Variants in BTBD9 observed in about 807,000 individuals in gnomAD.
BTBD9 encodes BTB/POZ domain-containing protein 9.
BTBD9 carries 49 observed loss-of-function variants against 64.3 expected under a neutral mutation model. The observed-to-expected ratio is 0.76, with a 90% confidence interval of 0.61 to 0.97. The LOEUF (loss-of-function observed/expected upper bound fraction) is 0.97, where lower values mean the gene tolerates loss of function less well. BTBD9 is among the 50% of genes least tolerant of loss of function. The probability of loss-of-function intolerance (pLI) is 0.00; values close to 1 mark genes in which losing one functional copy is unlikely to be tolerated. For missense variants in BTBD9, 598 were observed against 762.1 expected (o/e 0.78, Z 2.53); for synonymous variants, 260 against 274.7 (o/e 0.95, Z 0.53).
chr6:38,465,741 A>ATG (rs1407116658), intron 6 of BTBD9, among the ~76,000 whole-genome samples: 5 of 48,074 alleles, frequency 1.0e-4, no homozygotes, highest in Admixed American at 6.8e-4. Context: ...ATATATATAT[A>ATG]TATATATATA....
intron 7 of BTBD9, among the ~76,000 whole-genome samples, chr6:38,331,179 T>C (rs1290653469): frequency 6.6e-6 from 1 of 152,186 alleles, no homozygotes; most frequent in African/African-American, 2.4e-5. Flanking sequence ...CACAAATTAA[T>C]AATAAGAAAG....
At chr6:38,273,465 GA>G in intron 8 of BTBD9, among the ~76,000 whole-genome samples, 1 of 152,276 alleles carries the variant, frequency 6.6e-6, no homozygotes, top group East Asian at 1.9e-4. Flanking sequence ...AGGCCAGTGT[GA>G]AATCTCATTA....
chr6:38,575,614 C>T (rs764945938), intron 6 of BTBD9, among the ~76,000 whole-genome samples: 7 of 152,088 alleles, frequency 4.6e-5, no homozygotes, highest in Non-Finnish European at 1.0e-4. Flanking sequence ...GAGACATATT[C>T]TTAGGTTCAT....
intron 6 of BTBD9, among the ~76,000 whole-genome samples, chr6:38,563,653 C>T (rs796176899): frequency 5.6e-4 from 85 of 152,232 alleles, no homozygotes; most frequent in African/African-American, 1.9e-3. Context: ...TCCTCTACCT[C>T]GCTGCCACTC....
intron 9 of BTBD9, among the ~76,000 whole-genome samples, chr6:38,223,247 G>C (rs912243360): frequency 6.6e-6 from 1 of 152,146 alleles, no homozygotes; most frequent in African/African-American, 2.4e-5. Flanking sequence ...CAAGTGAACA[G>C]CATCTTAATA....
intron 6 of BTBD9, among the ~76,000 whole-genome samples, chr6:38,496,655 TAAAAAAA>T (rs951014301): frequency 8.0e-6 from 1 of 125,164 alleles, no homozygotes; most frequent in Non-Finnish European, 1.7e-5. Context: ...CCCTGTCTCT[TAAAAAAA>T]AAAAAAAAAA....
intron 6 of BTBD9, among the ~76,000 whole-genome samples, chr6:38,362,053 A>T (rs6940319): frequency 0.66 from 100,180 of 152,004 alleles, 33,961 homozygotes; most frequent in East Asian, 0.96. Flanking sequence ...TATGTTTGAA[A>T]CATGGGTAAT....
At chr6:38,342,826 A>G in intron 7 of BTBD9, among the ~76,000 whole-genome samples, 1 of 152,238 alleles carries the variant, frequency 6.6e-6, no homozygotes, top group Non-Finnish European at 1.5e-5. Flanking sequence ...GAGATTATCA[A>G]CATGGAAAGC....
chr6:38,204,613 C>A (rs1762573355), intron 9 of BTBD9, among the ~76,000 whole-genome samples: 1 of 151,990 alleles, frequency 6.6e-6, no homozygotes, highest in Admixed American at 6.6e-5. Flanking sequence ...TGAAAATGTT[C>A]AAAAATTGAT....
chr6:38,604,451 T>G (rs576070135), intron 1 of BTBD9, among the ~76,000 whole-genome samples: 1 of 152,236 alleles, frequency 6.6e-6, no homozygotes, highest in Admixed American at 6.5e-5. Flanking sequence ...ATGTATATGA[T>G]TCATTCAATT....
intron 6 of BTBD9, among the ~76,000 whole-genome samples, chr6:38,548,948 T>C (rs1259462759): frequency 6.6e-6 from 1 of 152,118 alleles, no homozygotes; most frequent in African/African-American, 2.4e-5. Flanking sequence ...AGAGAACCCA[T>C]GGGTAAAGGT....
At chr6:38,367,961 T>C (rs567641513) in intron 6 of BTBD9, among the ~76,000 whole-genome samples, 7 of 152,124 alleles carry the variant, frequency 4.6e-5, no homozygotes, top group Non-Finnish European at 1.0e-4. Context: ...GATGCGATAA[T>C]AGAAAGGAGG....
chr6:38,512,855 T>A (rs1262475558), intron 6 of BTBD9, among the ~76,000 whole-genome samples: 3 of 152,238 alleles, frequency 2.0e-5, no homozygotes, highest in Non-Finnish European at 4.4e-5. Context: ...TCCATATAGC[T>A]TAATGCTAAA....
chr6:38,376,842 G>C (rs567342151), intron 6 of BTBD9, among the ~76,000 whole-genome samples: 4 of 152,212 alleles, frequency 2.6e-5, no homozygotes, highest in African/African-American at 9.6e-5. Context: ...AAGCTATCCA[G>C]TACCTTCAAC....
At chr6:38,593,078 T>G (rs965177563) in intron 3 of BTBD9, among the ~76,000 whole-genome samples, 4 of 152,212 alleles carry the variant, frequency 2.6e-5, no homozygotes, top group African/African-American at 9.6e-5. Context: ...CATTTAATCT[T>G]TCCAAACACA....
rs114961914 is a variant in BTBD9, at chr6:38,486,287, G to A, written c.1154+91313C>T. On this transcript the variant is annotated intron_variant, in intron 6 of 10. Transcript: ENST00000481247. ...GCTGCTTTGCTTTCTTATCATTCCT[G>A]TGTTCACTGGAGTGCTTGGACTTTC... 7.0e-3 allele frequency among the ~76,000 whole-genome samples: 1,061 copies of A among 152,262 alleles called. 7 individuals carry two copies. The highest frequency in any genetic ancestry group is 0.024 in the African/African-American group (1,003 of 41,538).
chr6:38,636,791 G>T (rs915995560), intron 1 of BTBD9, among the ~76,000 whole-genome samples: 1 of 152,038 alleles, frequency 6.6e-6, no homozygotes, highest in Non-Finnish European at 1.5e-5. Context: ...TCATAATTTG[G>T]CTCCAAAAAC....
At chr6:38,281,498 A>G (rs1336174763) in intron 8 of BTBD9, among the ~76,000 whole-genome samples, 2 of 152,196 alleles carry the variant, frequency 1.3e-5, no homozygotes, top group Non-Finnish European at 2.9e-5. Flanking sequence ...AATAACTACA[A>G]GACATAAACT....
intron 6 of BTBD9, among the ~76,000 whole-genome samples, chr6:38,358,081 T>C (rs1263991504): frequency 6.6e-6 from 1 of 151,910 alleles, no homozygotes; most frequent in Admixed American, 6.6e-5. Context: ...TGAGTAAAAA[T>C]AAAATAACTC....
Sources: gnomAD v4.1 joint callset for allele counts (sites outside exome capture counted in the v4.1 genomes callset) on GRCh38, gnomAD v4.1.1 for gene constraint, MANE v1.5 for transcripts, NCBI Gene and HGNC (gene_info 2026-07-23, HGNC 2026-07-21) for gene names.